The following CTC1 variants were observed in gnomAD, a reference collection of about 807,000 sequenced individuals.
The protein encoded by CTC1 is CST telomere replication complex component 1, also known as CST complex subunit CTC1.
CTC1 carries 91 observed loss-of-function variants against 136.3 expected under a neutral mutation model. That is an observed-to-expected ratio of 0.67 (90% CI 0.56 to 0.79). The LOEUF (loss-of-function observed/expected upper bound fraction) is 0.79, where lower values mean the gene tolerates loss of function less well. Ranked by LOEUF, CTC1 falls within the 30% of genes least tolerant of loss-of-function variation. The pLI, the probability that CTC1 is intolerant of heterozygous loss-of-function variation, is 0.00. For missense variants in CTC1, 1,432 were observed against 1,498.1 expected, an observed-to-expected ratio of 0.96 and a Z score of 0.73; for synonymous variants, 606 against 613.8, an observed-to-expected ratio of 0.99 and a Z score of 0.19.
intron 7 of CTC1, 188 bp from the exon 8 acceptor site, chr17:8,235,473 C>G (rs1351587409): frequency 6.6e-6 from 4 of 608,022 alleles, no homozygotes; most frequent in Non-Finnish European, 1.2e-5. Flanking sequence ...CTCCCATGAG[C>G]TCCACTCAGT....
chr17:8,236,428 T>G, intron 5 of CTC1, 86 bp from the exon 6 acceptor site: 1 of 1,397,150 alleles, frequency 7.2e-7, no homozygotes, highest in Non-Finnish European at 9.7e-7. Flanking sequence ...CGATTTGAAC[T>G]CAGAGACCTG....
At position 8,230,562 on chromosome 17, in the gene CTC1, C is replaced by A. The variant is rs200609323; in HGVS notation, c.2758+1G>T. 30 of 1,614,040 alleles carry A rather than the reference C, an allele frequency of 1.9e-5. No homozygotes were observed. In the Admixed American group the frequency reaches 3.3e-4, roughly 18 times the overall value. On this transcript the variant is annotated splice_donor_variant, in intron 16 of 22. Coordinates refer to ENST00000651323, the MANE Select transcript of CTC1 (RefSeq NM_025099.6). LOFTEE classifies it high-confidence loss of function. ...CTTCCCCACAAAGGAAGGGTCATTA[C>A]CCAGTTTCATCCAGAGAGACGCCAC...
At chr17:8,235,481 A>C (rs2151520961) in intron 7 of CTC1, 196 bp from the exon 8 acceptor site, 1 of 604,692 alleles carries the variant, frequency 1.7e-6, no homozygotes, top group East Asian at 2.8e-5. Context: ...AGCTCCACTC[A>C]GTCTTGCTGT....
chr17:8,246,507 T>G (rs1429897454), intron 1 of CTC1, among the ~76,000 whole-genome samples: 3 of 152,190 alleles, frequency 2.0e-5, no homozygotes, highest in African/African-American at 7.2e-5. Context: ...TTATGTTCAC[T>G]AACTTAGCAA....
chr17:8,235,447 T>C, intron 7 of CTC1, 162 bp from the exon 8 acceptor site: 1 of 621,892 alleles, frequency 1.6e-6, no homozygotes, highest in Non-Finnish European at 2.8e-6. Flanking sequence ...CCACTCCCGC[T>C]GCGGTCAGCC....
chr17:8,233,892 G>T (rs747422385), intron 10 of CTC1, among the ~76,000 whole-genome samples: 1 of 152,192 alleles, frequency 6.6e-6, no homozygotes, highest in Non-Finnish European at 1.5e-5. Flanking sequence ...AGCCATGATC[G>T]CGCCAATGCA....
At position 8,248,003 on chromosome 17, in the gene CTC1, C is replaced by G. The variant is rs2151564166; in HGVS notation, c.33+1G>C. On this transcript the variant is annotated splice_donor_variant, in intron 1 of 22. Transcript: ENST00000651323. LOFTEE classifies it high-confidence loss of function. ...ACAAGAGACGTAATAGCAGCACTCA[C>G]GGAGGAAGGGACCTGGGCCCGGCCA... 1.4e-6 allele frequency: 2 copies of G among 1,480,612 alleles called. No individual in the cohort carries two copies. The highest frequency in any genetic ancestry group is 1.8e-6 in the Non-Finnish European group (2 of 1,095,284). 91.7% of individuals were successfully genotyped at this position (1,480,612 alleles called of 1,614,324 possible). A position where few individuals can be genotyped will look rare whatever the true frequency, so the allele number is the denominator to read the frequency against.
rs565429893 is a variant in CTC1 at position 8,231,491 on chromosome 17, A to G, written c.2476-22T>C. On this transcript the variant is annotated intron_variant, in intron 14 of 22. Coordinates refer to ENST00000651323, the MANE Select transcript of CTC1 (RefSeq NM_025099.6). Reference sequence around the variant, plus strand: ...GTGTCTGCACGGAAATGGGAAGACGACTGCCTGTGAGTGTGTGCTAGTCCA... The same window carrying G: ...GTGTCTGCACGGAAATGGGAAGACGGCTGCCTGTGAGTGTGTGCTAGTCCA... 3.1e-5 allele frequency: 49 copies of G among 1,579,766 alleles called. No individual in the cohort carries two copies. In the East Asian group the frequency reaches 1.0e-3, roughly 33 times the overall value.
At position 8,241,723 on chromosome 17, in the gene CTC1, T is replaced by G. The variant is rs116461715; in HGVS notation, c.197+1262A>C. 8.9e-3 allele frequency among the ~76,000 whole-genome samples: 1,349 copies of G among 151,598 alleles called. 21 individuals carry two copies. Among genetic ancestry groups the G allele is most frequent in the African/African-American group, 0.03 (1,247 of 41,290 alleles). ...CTGAGGGTTCGAGACCAGTGTGGCA[T>G]GCACCTGTGGTCCTAGCTATGTGGG... On this transcript the variant is annotated intron_variant, in intron 2 of 22. Coordinates refer to ENST00000651323, the MANE Select transcript of CTC1 (RefSeq NM_025099.6).
chr17:8,229,585 C>A, intron 18 of CTC1, 139 bp from the exon 19 acceptor site: 1 of 721,120 alleles, frequency 1.4e-6, no homozygotes, highest in Non-Finnish European at 2.3e-6. Flanking sequence ...TCCTAGAAGC[C>A]CCATTTTAAT....
At position 8,232,402 on chromosome 17, in the gene CTC1, C is replaced by T. The variant is rs2151510979; in HGVS notation, c.2019G>A (p.Lys673=). ...RDVRSSFPSW[K]ELSMPGFIQK... Reference sequence around the variant, plus strand: ...GGATGAAGCCTGGCATGCTCAGCTCCTTCCAGGAAGGGAAGCTGCTTCTCA... The same window carrying T: ...GGATGAAGCCTGGCATGCTCAGCTCTTTCCAGGAAGGGAAGCTGCTTCTCA... The change falls in exon 12 of 23, where the codon AAG becomes AAA. Residue 673 remains lysine, a synonymous_variant. Coordinates refer to ENST00000651323, the MANE Select transcript of CTC1 (RefSeq NM_025099.6). 1 of 1,614,156 alleles carries T rather than the reference C, an allele frequency of 6.2e-7. No homozygotes were observed. The highest frequency in any genetic ancestry group is 1.1e-5 in the South Asian group (1 of 91,084).
At position 8,248,056 on chromosome 17, in the gene CTC1, C is replaced by T. The variant is rs1212524311; in HGVS notation, c.-20G>A. The T allele has an allele frequency of 7.0e-7, 1 of 1,438,834 alleles. No homozygotes were observed. Among genetic ancestry groups the T allele is most frequent in the South Asian group, 1.2e-5 (1 of 85,494 alleles). The allele number at this position is 1,438,834 out of a possible 1,614,324, so 89.1% of individuals were successfully genotyped here. On this transcript the variant is annotated 5_prime_UTR_variant, in exon 1 of 23. Coordinates refer to ENST00000651323, the MANE Select transcript of CTC1 (RefSeq NM_025099.6). ...CGCCATGATGCGCCGGAGCTCCGCC[C>T]CCGGGAGGGGCAGGTGCTCGCTTGG...
rs542477730 is a variant in CTC1, at chr17:8,230,424, G to C, written c.2803C>G (p.Leu935Val). The change falls in exon 17 of 23, where the codon CTT becomes GTT. Residue 935 changes from leucine to valine, a missense_variant. Coordinates refer to ENST00000651323, the MANE Select transcript of CTC1 (RefSeq NM_025099.6). ...GGGAATTCACATTCAGCAGTCTCAA[G>C]AGCGACTGTTAGCTTCACACACCTT... ...MRRCVKLTVALETAECEFPPH... is the reference protein window; with the variant it reads ...MRRCVKLTVAVETAECEFPPH... 6.2e-7 allele frequency: 1 copy of C among 1,614,136 alleles called. No individual in the cohort carries two copies. Among genetic ancestry groups the C allele is most frequent in the East Asian group, 2.2e-5 (1 of 44,878 alleles).
chr17:8,246,485 A>G (rs1988720335), intron 1 of CTC1, among the ~76,000 whole-genome samples: 1 of 151,934 alleles, frequency 6.6e-6, no homozygotes, highest in African/African-American at 2.4e-5. Flanking sequence ...CTTTTCTAGA[A>G]CTCTTCTAGT....
intron 2 of CTC1, among the ~76,000 whole-genome samples, chr17:8,242,566 A>G (rs1280356548): frequency 1.4e-5 from 2 of 144,386 alleles, no homozygotes; most frequent in Non-Finnish European, 1.5e-5. Flanking sequence ...ATATATATAT[A>G]TATATATATA....
At chr17:8,246,842 G>A (rs1392133338) in intron 1 of CTC1, among the ~76,000 whole-genome samples, 1 of 152,020 alleles carries the variant, frequency 6.6e-6, no homozygotes, top group Admixed American at 6.6e-5. Flanking sequence ...GGAGGCAGAG[G>A]TTGCAGTGAG....
In CTC1 at chr17:8,229,203, T is replaced by G. The variant is rs766957955; in HGVS notation, c.3160A>C (p.Lys1054Gln). The change falls in exon 20 of 23, where the codon AAG becomes CAG. Residue 1054 changes from lysine to glutamine, a missense_variant. Lys to Gln is a moderately conservative substitution (Grantham distance 53). Transcript: ENST00000651323. ...AYCTSICRQG[K>Q]CTRLGSTCPT... is the part of the protein sequence containing the mutation. The stretch of plus-strand genomic sequence containing the variant: ...CAAGTGGAGCCCAGGCGAGTGCACT[T>G]TCCCTGGGATGAAGACAGTGGTTGG... 3 of 1,614,050 alleles carry G rather than the reference T, an allele frequency of 1.9e-6. No homozygotes were observed.
intron 2 of CTC1, among the ~76,000 whole-genome samples, chr17:8,240,841 A>C (rs1254741095): frequency 6.6e-6 from 1 of 152,192 alleles, no homozygotes; most frequent in Non-Finnish European, 1.5e-5. Flanking sequence ...GCGATATTGC[A>C]CTATAGCCTG....
intron 8 of CTC1, 38 bp from the exon 9 acceptor site, chr17:8,234,964 G>A (rs1321288716): frequency 5.6e-6 from 9 of 1,595,454 alleles, no homozygotes; most frequent in East Asian, 2.2e-5. Flanking sequence ...TTCCCCTGAA[G>A]AGCCTGCCTC....
Sources: allele counts gnomAD v4.1 joint callset (sites outside exome capture counted in the v4.1 genomes callset), GRCh38; gene constraint gnomAD v4.1.1; transcripts MANE v1.5; gene names NCBI Gene and HGNC (gene_info 2026-07-23, HGNC 2026-07-21).